ZNF69: variants seen among roughly 807,000 people sequenced by gnomAD.
ZNF69 encodes zinc finger protein 69.
In ZNF69, 47 loss-of-function variants were observed where a neutral mutation model predicts 50.9. That is an observed-to-expected ratio of 0.92 (90% CI 0.73 to 1.18). The LOEUF (loss-of-function observed/expected upper bound fraction) is 1.18, where lower values mean the gene tolerates loss of function less well. ZNF69 is among the 50% of genes most tolerant of loss of function. The pLI is 0.00. For synonymous variants in ZNF69, 216 were observed against 223.1 expected, an observed-to-expected ratio of 0.97 and a Z score of 0.29; for missense variants, 717 against 675.1, an observed-to-expected ratio of 1.06 and a Z score of -0.69.
At chr19:11,898,037 G>A (rs1002639681) in intron 1 of ZNF69, among the ~76,000 whole-genome samples, 1 of 152,048 alleles carries the variant, frequency 6.6e-6, no homozygotes, top group Non-Finnish European at 1.5e-5. Context: ...AATATTACAT[G>A]TGCACAAAAT....
Position 11,906,143 on chromosome 19 carries a change from GAC to G in ZNF69, c.*51_*52del. On this transcript the variant is annotated 3_prime_UTR_variant, in exon 4 of 4. Transcript: ENST00000429654. Reference sequence around the variant, plus strand: ...CCTCACACCTTTGAATGCATGGTAGGACACACAATCAAGAGAAACCATGAATG... The same window carrying G: ...CCTCACACCTTTGAATGCATGGTAGGACACAATCAAGAGAAACCATGAATG... 6.3e-7 allele frequency: 1 copy of G among 1,590,798 alleles called. No homozygotes were observed. The highest frequency in any genetic ancestry group is 1.1e-5 in the South Asian group (1 of 87,486).
the ZNF69 span, among the ~76,000 whole-genome samples, chr19:11,923,050 C>A: frequency 1.3e-5 from 2 of 152,156 alleles, no homozygotes; most frequent in African/African-American, 2.4e-5. Context: ...CTTCGGGCTT[C>A]AAGTGATCCT....
the ZNF69 span, among the ~76,000 whole-genome samples, chr19:11,929,608 C>G: frequency 6.7e-6 from 1 of 148,200 alleles, no homozygotes; most frequent in African/African-American, 2.6e-5. Context: ...AATTCGATTT[C>G]AGGGTCCTTA....
chr19:11,959,775 T>C, the ZNF69 span, among the ~76,000 whole-genome samples: 2 of 152,210 alleles, frequency 1.3e-5, no homozygotes, highest in African/African-American at 4.8e-5. Context: ...TACTATGAAA[T>C]GTCGATAGAG....
chr19:11,912,843 T>C (rs1972477187), intron 4 of ZNF69, among the ~76,000 whole-genome samples: 1 of 152,234 alleles, frequency 6.6e-6, no homozygotes, highest in Non-Finnish European at 1.5e-5. Flanking sequence ...AGATAATGAA[T>C]GTAAACAATT....
the ZNF69 span, among the ~76,000 whole-genome samples, chr19:11,919,710 G>A: frequency 3.9e-5 from 6 of 152,104 alleles, no homozygotes; most frequent in Non-Finnish European, 8.8e-5. Flanking sequence ...TGAGTAAGAA[G>A]AGAGAGAGAA....
At chr19:11,966,768 T>C in the ZNF69 span, among the ~76,000 whole-genome samples, 57 of 152,282 alleles carry the variant, frequency 3.7e-4, no homozygotes, top group African/African-American at 1.3e-3. Context: ...GTTGCAGAGA[T>C]GCAGTTGCCT....
At chr19:11,893,170 A>T (rs536521537) in intron 1 of ZNF69, among the ~76,000 whole-genome samples, 1 of 152,304 alleles carries the variant, frequency 6.6e-6, no homozygotes, top group East Asian at 1.9e-4. Flanking sequence ...ATGTAATCAG[A>T]GGTTAATTGG....
chr19:11,954,845 G>A, the ZNF69 span, among the ~76,000 whole-genome samples: 9 of 151,808 alleles, frequency 5.9e-5, no homozygotes, highest in African/African-American at 2.2e-4. Context: ...AAAAAAAATT[G>A]TTCACTTATT....
At chr19:11,925,960 T>C in the ZNF69 span, among the ~76,000 whole-genome samples, 1 of 152,054 alleles carries the variant, frequency 6.6e-6, no homozygotes, top group Non-Finnish European at 1.5e-5. Context: ...AAGGTGTAAG[T>C]TCCATTGGCA....
chr19:11,967,690 A>C, the ZNF69 span, among the ~76,000 whole-genome samples: 1 of 152,222 alleles, frequency 6.6e-6, no homozygotes, highest in East Asian at 1.9e-4. Context: ...GGCGTGAGCC[A>C]CCATGTCCGG....
chr19:11,920,005 TC>T, the ZNF69 span, among the ~76,000 whole-genome samples: 1 of 152,142 alleles, frequency 6.6e-6, no homozygotes, highest in South Asian at 2.1e-4. Context: ...CTTCTACTTT[TC>T]CTCTTGGACC....
chr19:11,970,996 T>G, the ZNF69 span, among the ~76,000 whole-genome samples: 2 of 152,198 alleles, frequency 1.3e-5, no homozygotes, highest in Non-Finnish European at 2.9e-5. Flanking sequence ...TTTCCATTGG[T>G]CTGTCCTTCC....
the ZNF69 span, among the ~76,000 whole-genome samples, chr19:11,935,124 C>T: frequency 2.2e-5 from 3 of 134,820 alleles, no homozygotes; most frequent in Non-Finnish European, 4.6e-5. Context: ...TGCAGTGGGC[C>T]GAGATGGCAC....
the ZNF69 span, among the ~76,000 whole-genome samples, chr19:11,954,057 G>GA: frequency 6.6e-6 from 1 of 151,920 alleles, no homozygotes; most frequent in Non-Finnish European, 1.5e-5. Flanking sequence ...GAAAAAACAG[G>GA]AAAAAAATTT....
rs1972276446 is a variant in ZNF69, at chr19:11,902,905, C to T, written c.64-668C>T. ...GGGACAGCCCAGGCAACTCACTTTT[C>T]TCCCTGGGTTCGGTAAATACATTTC... On this transcript the variant is annotated intron_variant, in intron 1 of 3. Transcript: ENST00000429654. Among the ~76,000 whole-genome samples, 3 of 152,140 alleles carry T rather than the reference C, an allele frequency of 2.0e-5. No homozygotes were observed. In the South Asian group the frequency reaches 6.2e-4, roughly 32 times the overall value.
the ZNF69 span, among the ~76,000 whole-genome samples, chr19:11,924,697 T>A: frequency 1.3e-5 from 2 of 152,096 alleles, no homozygotes; most frequent in Admixed American, 6.6e-5. Context: ...CGAGGACATA[T>A]GCCTCTCCTC....
chr19:11,973,548 A>G, the ZNF69 span, among the ~76,000 whole-genome samples: 4 of 151,836 alleles, frequency 2.6e-5, no homozygotes, highest in African/African-American at 7.3e-5. Flanking sequence ...ATTCCATTCT[A>G]TGGGTGTTAC....
chr19:11,917,800 T>TTTTTC (rs1437290806), downstream of ZNF69, among the ~76,000 whole-genome samples: 5 of 147,638 alleles, frequency 3.4e-5, no homozygotes, highest in Non-Finnish European at 7.5e-5. Flanking sequence ...TTTTTTTTTT[T>TTTTTC]TTTTTTTGAG....
Sources: gnomAD v4.1 joint callset for allele counts (sites outside exome capture counted in the v4.1 genomes callset) on GRCh38, gnomAD v4.1.1 for gene constraint, MANE v1.5 for transcripts, NCBI Gene and HGNC (gene_info 2026-07-23, HGNC 2026-07-21) for gene names.